The following PARD3 variants were observed in gnomAD, a reference collection of about 807,000 sequenced individuals.
PARD3 encodes partitioning defective 3 homolog.
Under a neutral mutation model 155.4 loss-of-function variants are expected in PARD3, and 75 were observed. The ratio of observed to expected loss-of-function variants is 0.48; its 90% CI spans 0.40 to 0.58. The LOEUF (loss-of-function observed/expected upper bound fraction) is 0.58. Among genes scored for constraint, PARD3 ranks in the 20% least tolerant of loss-of-function variants. The probability of loss-of-function intolerance (pLI) is 0.00; values close to 1 mark genes in which losing one functional copy is unlikely to be tolerated. For synonymous variants in PARD3, 576 were observed against 610.5 expected (o/e 0.94, Z 0.83); for missense variants, 1,642 against 1,721.7 (o/e 0.95, Z 0.82).
intron 3 of PARD3, among the ~76,000 whole-genome samples, chr10:34,494,495 C>T (rs943762866): frequency 5.3e-5 from 8 of 152,184 alleles, no homozygotes; most frequent in Non-Finnish European, 7.3e-5. Context: ...GATCACTTGA[C>T]TAAACTGGAG....
intron 22 of PARD3, among the ~76,000 whole-genome samples, chr10:34,227,493 C>G (rs1398121453): frequency 6.6e-6 from 1 of 152,096 alleles, no homozygotes; most frequent in African/African-American, 2.4e-5. Context: ...AAAAAATAAG[C>G]TGGACATGGT....
At chr10:34,163,129 C>G (rs375416390) in intron 22 of PARD3, among the ~76,000 whole-genome samples, 19 of 152,252 alleles carry the variant, frequency 1.2e-4, no homozygotes, top group South Asian at 1.0e-3. Flanking sequence ...AAGACAATGG[C>G]GTTTCAGTCC....
intron 2 of PARD3, among the ~76,000 whole-genome samples, chr10:34,529,059 T>C (rs2082661644): frequency 6.6e-6 from 1 of 152,194 alleles, no homozygotes; most frequent in African/African-American, 2.4e-5. Flanking sequence ...CAAAAGATGA[T>C]GCATTCAGTT....
At chr10:34,451,719 T>C (rs975509391) in intron 4 of PARD3, among the ~76,000 whole-genome samples, 1 of 150,326 alleles carries the variant, frequency 6.7e-6, no homozygotes, top group Admixed American at 6.6e-5. Context: ...AGAATTAACC[T>C]GCAAGAAACA....
chr10:34,319,840 A>C (rs1007750149), intron 19 of PARD3, among the ~76,000 whole-genome samples: 3 of 152,184 alleles, frequency 2.0e-5, no homozygotes, highest in African/African-American at 7.2e-5. Context: ...CACAAATGTG[A>C]GATAATTGAC....
rs1489007915 is a variant in PARD3, at chr10:34,110,140, G to A, written c.*1029C>T. ...TTTCATGGCAGAACTACTTAGGAGC[G>A]CGGCATCGCCAGTCAGACATGCAGT... On this transcript the variant is annotated 3_prime_UTR_variant, in exon 25 of 25. Coordinates refer to ENST00000374788, the MANE Select transcript of PARD3 (RefSeq NM_001184785.2). The A allele has an allele frequency of 4.6e-5, 7 of 152,182 alleles. No homozygotes were observed. Among genetic ancestry groups the A allele is most frequent in the South Asian group, 2.1e-4 (1 of 4,816 alleles). The allele number at this position is 152,182 out of a possible 1,614,324, so 9.4% of individuals were successfully genotyped here.
At chr10:34,173,538 T>A (rs1428042551) in intron 22 of PARD3, among the ~76,000 whole-genome samples, 1 of 152,202 alleles carries the variant, frequency 6.6e-6, no homozygotes, top group Non-Finnish European at 1.5e-5. Flanking sequence ...TTTACAGGGA[T>A]CTTGTTAAGA....
At chr10:34,372,399 G>A (rs1840776860) in intron 12 of PARD3, 99 bp downstream of exon 12, 2 of 935,774 alleles carry the variant, frequency 2.1e-6, no homozygotes, top group Admixed American at 3.5e-5. Flanking sequence ...TTACGAGCCA[G>A]GAAAAGGCAG....
At chr10:34,247,050 T>C (rs552139589) in intron 22 of PARD3, among the ~76,000 whole-genome samples, 27 of 151,222 alleles carry the variant, frequency 1.8e-4, no homozygotes, top group African/African-American at 6.3e-4. Flanking sequence ...CACTCCAACT[T>C]GGGTATCAGA....
intron 20 of PARD3, among the ~76,000 whole-genome samples, chr10:34,297,707 G>A (rs1956971284): frequency 6.6e-6 from 1 of 152,170 alleles, no homozygotes; most frequent in African/African-American, 2.4e-5. Flanking sequence ...AAGTAAGGGT[G>A]GACAGCAGCC....
chr10:34,388,711 T>C (rs1842588587), intron 7 of PARD3, among the ~76,000 whole-genome samples: 1 of 152,176 alleles, frequency 6.6e-6, no homozygotes, highest in Non-Finnish European at 1.5e-5. Flanking sequence ...GAGAACAGTG[T>C]TCCTTCTTGG....
intron 6 of PARD3, among the ~76,000 whole-genome samples, chr10:34,399,759 A>G (rs949117276): frequency 1.2e-4 from 19 of 152,160 alleles, no homozygotes; most frequent in African/African-American, 3.6e-4. Flanking sequence ...AAATCTTTAG[A>G]CTTACACTGA....
At chr10:34,567,270 G>A (rs531588163) in intron 2 of PARD3, among the ~76,000 whole-genome samples, 16 of 152,278 alleles carry the variant, frequency 1.1e-4, no homozygotes, top group Non-Finnish European at 1.5e-5. Context: ...GATTCTGCAT[G>A]TGTTCTAAAA....
intron 3 of PARD3, among the ~76,000 whole-genome samples, chr10:34,475,171 A>T (rs2078629196): frequency 6.6e-6 from 1 of 152,226 alleles, no homozygotes; most frequent in Admixed American, 6.5e-5. Flanking sequence ...AAATGAGAAC[A>T]ACTTTAAAAT....
chr10:34,639,125 G>A (rs1459960956), intron 2 of PARD3, among the ~76,000 whole-genome samples: 1 of 152,204 alleles, frequency 6.6e-6, no homozygotes, highest in African/African-American at 2.4e-5. Context: ...CCTGGGTGCA[G>A]TGGCTCACAC....
intron 23 of PARD3, among the ~76,000 whole-genome samples, chr10:34,120,004 A>ATTTTTTTTTTTTTTT (rs1185067110): frequency 9.5e-5 from 7 of 73,824 alleles, no homozygotes; most frequent in African/African-American, 2.3e-4. Context: ...GTCTTCTTTA[A>ATTTTTTTTTTTTTTT]TTTTTTTTTT....
In PARD3 at chr10:34,342,683, A is replaced by C. The variant is rs546405268; in HGVS notation, c.2219-867T>G. On this transcript the variant is annotated intron_variant, in intron 15 of 24. Coordinates refer to ENST00000374788, the MANE Select transcript of PARD3 (RefSeq NM_001184785.2). ...GTTGGGATGGCATACACAAGCGTGA[A>C]GGATTTTTAAAAGTCTGTATTGTAT... is the stretch of plus-strand genomic sequence containing the variant. 3.9e-5 allele frequency among the ~76,000 whole-genome samples: 6 copies of C among 152,328 alleles called. No homozygotes were observed. The South Asian group carries it at 8.3e-4, about 21-fold the overall frequency.
intron 22 of PARD3, among the ~76,000 whole-genome samples, chr10:34,145,221 A>ATTTTTTTTTTTTT (rs57442429): frequency 2.9e-5 from 1 of 33,972 alleles, no homozygotes; most frequent in African/African-American, 1.4e-4. Context: ...ATATATATAT[A>ATTTTTTTTTTTTT]TTTTTTTTTT....
At chr10:34,449,598 T>TA (rs5784417) in intron 5 of PARD3, among the ~76,000 whole-genome samples, 75,454 of 148,662 alleles carry the variant, frequency 0.51, 22,315 homozygotes, top group African/African-American at 0.84. Context: ...ACTTAAAGTA[T>TA]AAAAAAAAAG....
Sources: gnomAD v4.1 joint callset for allele counts (sites outside exome capture counted in the v4.1 genomes callset) on GRCh38, gnomAD v4.1.1 for gene constraint, MANE v1.5 for transcripts, NCBI Gene and HGNC (gene_info 2026-07-23, HGNC 2026-07-21) for gene names.